Variants in TSC1 observed in about 807,000 individuals in gnomAD.
TSC1 encodes hamartin.
Under a neutral mutation model 124.3 loss-of-function variants are expected in TSC1, and 20 were observed. That is an observed-to-expected ratio of 0.16 (90% confidence interval 0.11 to 0.23). The LOEUF (loss-of-function observed/expected upper bound fraction) is 0.23, where lower values mean the gene tolerates loss of function less well. Among genes scored for constraint, TSC1 ranks in the 10% least tolerant of loss-of-function variants. The pLI, the probability that TSC1 is intolerant of heterozygous loss-of-function variation, is 1.00. For missense variants in TSC1, 1,124 were observed against 1,448.5 expected (o/e 0.78, Z 3.64); for synonymous variants, 493 against 539.1 (o/e 0.91, Z 1.19).
Position 132,910,705 on chromosome 9 carries a change from G to T in TSC1, c.1142-13C>A, listed in dbSNP as rs2131948684. ...CCTTTTCCACCTGCTTAGAGACAAG[G>T]GCAGAACATATATGAACACTGAGCC... On this transcript the variant is annotated splice_polypyrimidine_tract_variant and intron_variant, in intron 11 of 22. Transcript: ENST00000298552. 1.2e-6 allele frequency: 2 copies of T among 1,613,268 alleles called. No individual in the cohort carries two copies. The highest frequency in any genetic ancestry group is 4.5e-5 in the East Asian group (2 of 44,888).
rs1238734764 is a variant in TSC1, at chr9:132,902,955, G to T, written c.2209-168C>A. Among the ~76,000 whole-genome samples, 2 of 152,100 alleles carry T rather than the reference G, an allele frequency of 1.3e-5. No individual in the cohort carries two copies. The highest frequency in any genetic ancestry group is 2.4e-5 in the African/African-American group (1 of 41,394). On this transcript the variant is annotated intron_variant, in intron 17 of 22. Coordinates refer to ENST00000298552, the MANE Select transcript of TSC1 (RefSeq NM_000368.5). This position sits in a 1 kb window ranked among gnomAD's most constrained non-coding sequence, Gnocchi z 5.2. ...CTGTCTTACTTGGCCTTAGGTCAAG[G>T]TTTTCCAAATTTTACATTAAGCAAA...
rs1292520108 is a variant in TSC1, at chr9:132,907,282, A to G, written c.1333+19T>C. 1.2e-6 allele frequency: 2 copies of G among 1,608,034 alleles called. No individual in the cohort carries two copies. Among genetic ancestry groups the G allele is most frequent in the African/African-American group, 2.7e-5 (2 of 74,798 alleles). ...ATTAGAAGAGGCAAGCAAGGCCTGT[A>G]GTAACGCAGAAATTTTACCTGATCC... On this transcript the variant is annotated intron_variant, in intron 13 of 22. Coordinates refer to ENST00000298552, the MANE Select transcript of TSC1 (RefSeq NM_000368.5).
At chr9:132,944,853 C>G (rs1332675434), upstream of TSC1, 1 of 367,898 alleles carries the variant, frequency 2.7e-6, no homozygotes, top group Admixed American at 4.6e-5. Flanking sequence ...CGAAAGGAGG[C>G]TGCGAAGAGA....
rs1350225399 is a variant in TSC1, at chr9:132,902,512, C to G, written c.2391+93G>C. On this transcript the variant is annotated intron_variant, in intron 18 of 22. Coordinates refer to ENST00000298552, the MANE Select transcript of TSC1 (RefSeq NM_000368.5). This position sits in a 1 kb window ranked among gnomAD's most constrained non-coding sequence, Gnocchi z 5.2. Reference sequence around the variant, plus strand: ...AAGCATTCAGCTTAGTAAAGCTGAACAAGTCAAGGACACCCAGGGAAACTG... The same window carrying G: ...AAGCATTCAGCTTAGTAAAGCTGAAGAAGTCAAGGACACCCAGGGAAACTG... The G allele has an allele frequency of 2.1e-6, 3 of 1,458,684 alleles. No homozygotes were observed. The highest frequency in any genetic ancestry group is 2.3e-5 in the East Asian group (1 of 44,126). The allele number at this position is 1,458,684 out of a possible 1,614,324, so 90.4% of individuals were successfully genotyped here.
intron 2 of TSC1, 43 bp from the exon 3 acceptor site, chr9:132,928,995 T>G: frequency 6.6e-7 from 1 of 1,509,192 alleles, no homozygotes; most frequent in Non-Finnish European, 8.9e-7. Context: ...GGCCCCATTT[T>G]TCTCCATAAA....
chr9:132,917,212 T>G (rs2132075437), intron 8 of TSC1, among the ~76,000 whole-genome samples: 1 of 152,340 alleles, frequency 6.6e-6, no homozygotes, highest in Non-Finnish European at 1.5e-5. Context: ...GCATTCTTTT[T>G]TATTGATTTA....
chr9:132,900,547 C>T (rs771641623), intron 20 of TSC1, 168 bp downstream of exon 20: 292 of 1,096,256 alleles, frequency 2.7e-4, no homozygotes, highest in Non-Finnish European at 2.4e-4. Flanking sequence ...AACAAGCTCA[C>T]ATGGTGGCTG....
intron 18 of TSC1, 129 bp from the exon 19 acceptor site, chr9:132,901,828 GA>G: frequency 1.4e-6 from 1 of 737,758 alleles, no homozygotes; most frequent in Non-Finnish European, 2.3e-6. Context: ...TGGGCCCTCA[GA>G]ATTTGATGTC....
At chr9:132,899,579 C>T (rs1177332267) in intron 20 of TSC1, 1 of 152,290 alleles carries the variant, frequency 6.6e-6, no homozygotes, top group East Asian at 1.9e-4. Context: ...TGAGCTCAAG[C>T]AATCCTCCTA....
rs754045538 is a variant in TSC1, at chr9:132,904,395, A to G, written c.2041+16T>C. 2 of 1,613,870 alleles carry G rather than the reference A, an allele frequency of 1.2e-6. No individual in the cohort carries two copies. The highest frequency in any genetic ancestry group is 2.2e-5 in the East Asian group (1 of 44,874). On this transcript the variant is annotated intron_variant, in intron 16 of 22. Transcript: ENST00000298552. ...AACCATGTGGGCTGGATTTGGAGCTAAAGTAACAACTTTACCTCCAAAGTG... is the reference window on the plus strand; with the variant it reads ...AACCATGTGGGCTGGATTTGGAGCTGAAGTAACAACTTTACCTCCAAAGTG...
chr9:132,942,762 A>G (rs1300444389), intron 1 of TSC1, among the ~76,000 whole-genome samples: 1 of 152,214 alleles, frequency 6.6e-6, no homozygotes, highest in Non-Finnish European at 1.5e-5. Flanking sequence ...AGTGTTTTGG[A>G]TAAGATATTA....
At position 132,910,985 on chromosome 9, in the gene TSC1, A is replaced by G. The variant is rs1335504392; in HGVS notation, c.1141+17T>C. ...GGCCAAAACCAACTAATCAAATCCA[A>G]CCTAAGACATACATACCAGTTGTAC... On this transcript the variant is annotated intron_variant, in intron 11 of 22. Transcript: ENST00000298552. 3 of 1,609,656 alleles carry G rather than the reference A, an allele frequency of 1.9e-6. No homozygotes were observed. Among genetic ancestry groups the G allele is most frequent in the Non-Finnish European group, 1.7e-6 (2 of 1,176,028 alleles).
At chr9:132,922,803 A>G (rs529066783) in intron 6 of TSC1, among the ~76,000 whole-genome samples, 58 of 152,314 alleles carry the variant, frequency 3.8e-4, no homozygotes, top group African/African-American at 1.2e-3. Flanking sequence ...GGATAACCCA[A>G]AGATTCCAAA....
Position 132,906,540 on chromosome 9 carries a change from C to A in TSC1, c.1438+191G>T, listed in dbSNP as rs1395160225. 2 of 578,930 alleles carry A rather than the reference C, an allele frequency of 3.5e-6. No homozygotes were observed. The highest frequency in any genetic ancestry group is 6.1e-6 in the Non-Finnish European group (2 of 330,006). 35.9% of individuals were successfully genotyped at this position (578,930 alleles called of 1,614,324 possible). On this transcript the variant is annotated intron_variant, in intron 14 of 22. Transcript: ENST00000298552. The surrounding 1 kb of genome is among the most constrained non-coding windows in gnomAD (Gnocchi z 4.1). ...CTCCAGCCAGGGTGACAGAGCAAGACCCTGTCTCAAAAAAAAAAAAAAAAA... is the reference window on the plus strand; with the variant it reads ...CTCCAGCCAGGGTGACAGAGCAAGAACCTGTCTCAAAAAAAAAAAAAAAAA...
chr9:132,921,404 T>C lies in TSC1; in HGVS notation c.696A>G (p.Glu232=), dbSNP rs1588345709. 3.1e-6 allele frequency: 5 copies of C among 1,614,178 alleles called. No homozygotes were observed. In the South Asian group the frequency reaches 5.5e-5, roughly 18 times the overall value. Residue 232 remains glutamate, a synonymous_variant, in exon 8 of 23, where the codon GAA becomes GAG. Transcript: ENST00000298552. This position sits in a 1 kb window ranked among gnomAD's most constrained non-coding sequence, Gnocchi z 4.3. ...CATGGTCCTTGGATCCAGTCACTAATTCCGGATGAATTCGCACATGCTCCA... is the reference window on the plus strand; with the variant it reads ...CATGGTCCTTGGATCCAGTCACTAACTCCGGATGAATTCGCACATGCTCCA... The part of the protein sequence containing the change: ...PMMEHVRIHP[E]LVTGSKDHEL...
At chr9:132,912,553 A>G in intron 8 of TSC1, 96 bp from the exon 9 acceptor site, 1 of 1,432,782 alleles carries the variant, frequency 7.0e-7, no homozygotes, top group Non-Finnish European at 9.7e-7. Context: ...GAACTCTGAT[A>G]GCAAAGAACA....
Position 132,896,671 on chromosome 9 carries a change from G to A in TSC1, c.3059C>T (p.Thr1020Ile), listed in dbSNP as rs1060503214. 5.0e-6 allele frequency: 8 copies of A among 1,614,074 alleles called. No individual in the cohort carries two copies. Among genetic ancestry groups the A allele is most frequent in the Non-Finnish European group, 6.8e-6 (8 of 1,180,026 alleles). The change falls in exon 23 of 23, where the codon ACC becomes ATC. Residue 1020 changes from threonine to isoleucine, a missense_variant. By Grantham distance (89) the Thr-to-Ile change is moderately conservative (BLOSUM62 -1). Around this residue, in one of 5 missense-constraint regions of TSC1, gnomAD observed 325 missense variants for 383.4 expected, o/e 0.85. Coordinates refer to ENST00000298552, the MANE Select transcript of TSC1 (RefSeq NM_000368.5). This position sits in a 1 kb window ranked among gnomAD's most constrained non-coding sequence, Gnocchi z 4.5. ...GCCCCGGGCGCTGCTGGGCCTGGGGGTCTTGGTCTCACCGTTGTGGCCAGA... is the reference window on the plus strand; with the variant it reads ...GCCCCGGGCGCTGCTGGGCCTGGGGATCTTGGTCTCACCGTTGTGGCCAGA... ...EASGHNGETK[T>I]PRPSSARGSS... is the part of the protein sequence containing the mutation.
At chr9:132,936,892 G>A (rs115794480) in intron 1 of TSC1, among the ~76,000 whole-genome samples, 2,735 of 152,302 alleles carry the variant, frequency 0.018, 92 homozygotes, top group African/African-American at 0.062. Flanking sequence ...TTAAATGTAC[G>A]ACCATGGCCA....
In TSC1 at chr9:132,902,472, T is replaced by C. The variant is rs1324866382; in HGVS notation, c.2391+133A>G. On this transcript the variant is annotated intron_variant, in intron 18 of 22. Coordinates refer to ENST00000298552, the MANE Select transcript of TSC1 (RefSeq NM_000368.5). This position sits in a 1 kb window ranked among gnomAD's most constrained non-coding sequence, Gnocchi z 5.2. ...CACCTGCCATGAAGAATTTCTGCCA[T>C]GATTTCAGAGAGAAAAGCATTCAGC... is the stretch of plus-strand genomic sequence containing the variant. The C allele has an allele frequency of 5.8e-6, 7 of 1,199,678 alleles. No individual in the cohort carries two copies. The highest frequency in any genetic ancestry group is 3.0e-5 in the African/African-American group (2 of 66,772). 74.3% of individuals were successfully genotyped at this position (1,199,678 alleles called of 1,614,324 possible). A position where few individuals can be genotyped will look rare whatever the true frequency, so the allele number is the denominator to read the frequency against.
Sources: gnomAD v4.1 joint callset for allele counts (sites outside exome capture counted in the v4.1 genomes callset) on GRCh38, gnomAD v4.1.1 for gene constraint, gnomAD v4.1.1 regional missense constraint, Gnocchi (gnomAD v3.1) non-coding constraint, MANE v1.5 for transcripts, NCBI Gene and HGNC (gene_info 2026-07-23, HGNC 2026-07-21) for gene names.